Variants in PDHX observed in about 807,000 individuals in gnomAD.
PDHX encodes pyruvate dehydrogenase protein X component, mitochondrial.
A neutral mutation model predicts 55.3 loss-of-function variants in PDHX; 33 were observed. That is an observed-to-expected ratio of 0.60 (90% CI 0.45 to 0.80). PDHX has a LOEUF of 0.80. PDHX is among the 30% of genes least tolerant of loss of function. PDHX has a pLI of 0.00. For missense variants in PDHX, 622 were observed against 619.9 expected, an observed-to-expected ratio of 1.00 and a Z score of -0.04; for synonymous variants, 226 against 219.4, an observed-to-expected ratio of 1.03 and a Z score of -0.27.
chr11:34,952,169 A>G (rs1461689800), intron 3 of PDHX, among the ~76,000 whole-genome samples: 5 of 152,222 alleles, frequency 3.3e-5, no homozygotes, highest in Non-Finnish European at 7.3e-5. Context: ...ATAGACCAAT[A>G]ACAGTATCTG....
upstream of PDHX, chr11:34,916,511 G>A (rs1412000682): frequency 2.1e-6 from 3 of 1,456,106 alleles, no homozygotes; most frequent in East Asian, 7.5e-5. Context: ...GTTGGAGGCG[G>A]GGCTGGGTTG....
At chr11:34,916,456 A>T (rs772737420), upstream of PDHX, 6 of 1,463,028 alleles carry the variant, frequency 4.1e-6, 1 homozygote, top group East Asian at 1.5e-4. Flanking sequence ...GCCGGCTGAG[A>T]TATCCAGCGG....
chr11:34,919,580 T>C (rs61881133), intron 1 of PDHX, among the ~76,000 whole-genome samples: 5,350 of 152,300 alleles, frequency 0.035, 156 homozygotes, highest in South Asian at 0.057. Flanking sequence ...CTGCATTTAG[T>C]TGGACAAAAA....
chr11:34,970,443 GA>G (rs1023459859), intron 7 of PDHX, among the ~76,000 whole-genome samples, 157 bp downstream of exon 7: 33 of 152,000 alleles, frequency 2.2e-4, no homozygotes, highest in African/African-American at 7.5e-4. Context: ...TGTGCTAGAG[GA>G]AAAAAATTAG....
intron 3 of PDHX, among the ~76,000 whole-genome samples, chr11:34,948,033 C>A (rs933538400): frequency 7.9e-5 from 12 of 152,154 alleles, no homozygotes; most frequent in African/African-American, 2.7e-4. Flanking sequence ...CTGACTGATT[C>A]ATGTTATATC....
At chr11:34,949,576 A>T (rs1032716048) in intron 3 of PDHX, among the ~76,000 whole-genome samples, 4 of 151,822 alleles carry the variant, frequency 2.6e-5, no homozygotes, top group Non-Finnish European at 5.9e-5. Context: ...TTCAGTTATT[A>T]TACATTTAAA....
chr11:34,951,125 C>T (rs1260144841), intron 3 of PDHX, among the ~76,000 whole-genome samples: 13 of 141,312 alleles, frequency 9.2e-5, no homozygotes, highest in African/African-American at 1.6e-4. Flanking sequence ...GGCGCAATCT[C>T]GGCTCACTGC....
chr11:34,981,979 T>C (rs1855524313), intron 8 of PDHX, among the ~76,000 whole-genome samples: 1 of 152,222 alleles, frequency 6.6e-6, no homozygotes, highest in South Asian at 2.1e-4. Flanking sequence ...GTAGTTTCTT[T>C]TGCTGTGCAG....
At chr11:34,955,660 G>A (rs1375843166) in intron 3 of PDHX, among the ~76,000 whole-genome samples, 3 of 152,094 alleles carry the variant, frequency 2.0e-5, no homozygotes, top group African/African-American at 4.8e-5. Flanking sequence ...TTGCCTACTT[G>A]TGAAGGTGTC....
chr11:34,916,684 A>T lies in PDHX; in HGVS notation c.29A>T (p.Asp10Val). Residue 10 changes from aspartate to valine, a missense_variant, in exon 1 of 11, where the codon GAT becomes GTT. Coordinates refer to ENST00000227868, the MANE Select transcript of PDHX (RefSeq NM_003477.3). ...GCGGCCTCCTGGAGGCTGGGCTGTG[A>T]TCCGCGGCTGCTGCGTTATCTTGTG... The part of the protein sequence containing the change: MAASWRLGC[D>V]PRLLRYLVGF... The T allele has an allele frequency of 3.1e-6, 5 of 1,611,794 alleles. No individual in the cohort carries two copies. The South Asian group carries it at 4.4e-5, about 14-fold the overall frequency.
intron 5 of PDHX, among the ~76,000 whole-genome samples, chr11:34,962,301 A>C (rs868457114): frequency 1.3e-5 from 2 of 152,224 alleles, no homozygotes; most frequent in Non-Finnish European, 2.9e-5. Flanking sequence ...ACTAAAAGGG[A>C]GATCCCTGAT....
chr11:34,940,796 A>G (rs1300932980), intron 2 of PDHX, among the ~76,000 whole-genome samples: 1 of 152,166 alleles, frequency 6.6e-6, no homozygotes, highest in East Asian at 1.9e-4. Context: ...GTTTCATATA[A>G]ATAGAAGCAT....
rs1024363505 is a variant in PDHX, at chr11:34,957,522, C to A, written c.481C>A (p.Pro161Thr). 2 of 1,614,028 alleles carry A rather than the reference C, an allele frequency of 1.2e-6. No individual in the cohort carries two copies. Among genetic ancestry groups the A allele is most frequent in the African/African-American group, 2.7e-5 (2 of 74,986 alleles). ...AGTTTCAAAACCTTCAGAGCCTCGC[C>A]CCTCACCAGAACCACAGATTTCCAT... ...PPVSKPSEPR[P>T]SPEPQISIPV... The change falls in exon 4 of 11, where the codon CCC becomes ACC. Residue 161 changes from proline to threonine, a missense_variant. By Grantham distance (38) the Pro-to-Thr change is conservative (BLOSUM62 -1). Transcript: ENST00000227868.
intron 9 of PDHX, among the ~76,000 whole-genome samples, chr11:34,990,407 A>T (rs563612424): frequency 2.0e-5 from 3 of 152,332 alleles, no homozygotes; most frequent in Middle Eastern, 3.4e-3. Context: ...TACCTATTTC[A>T]GACTTACTAG....
chr11:34,916,577 T>C, upstream of PDHX: 1 of 1,573,502 alleles, frequency 6.4e-7, no homozygotes, highest in African/African-American at 1.3e-5. Context: ...TCTGGGGGCG[T>C]GGCCAACCAT....
intron 2 of PDHX, among the ~76,000 whole-genome samples, chr11:34,941,400 T>C (rs1344448427): frequency 2.0e-5 from 3 of 152,218 alleles, no homozygotes; most frequent in African/African-American, 7.2e-5. Context: ...ATTTTATTAC[T>C]ATTTTTATCA....
At chr11:34,981,554 T>G (rs1855514259) in intron 8 of PDHX, among the ~76,000 whole-genome samples, 1 of 152,198 alleles carries the variant, frequency 6.6e-6, no homozygotes, top group Non-Finnish European at 1.5e-5. Context: ...TTTCTAGTTC[T>G]AGATCCCTGA....
intron 7 of PDHX, among the ~76,000 whole-genome samples, chr11:34,974,598 C>G (rs1295790867): frequency 6.6e-6 from 1 of 152,096 alleles, no homozygotes; most frequent in African/African-American, 2.4e-5. Flanking sequence ...TACTGTTTTC[C>G]TTAGTGGCTG....
chr11:34,919,523 A>G (rs1853823249), intron 1 of PDHX, among the ~76,000 whole-genome samples: 1 of 152,182 alleles, frequency 6.6e-6, no homozygotes, highest in African/African-American at 2.4e-5. Flanking sequence ...AGCACTTTCT[A>G]GAATTTCTCA....
Sources: gnomAD v4.1 joint callset for allele counts (sites outside exome capture counted in the v4.1 genomes callset) on GRCh38, gnomAD v4.1.1 for gene constraint, MANE v1.5 for transcripts, NCBI Gene and HGNC (gene_info 2026-07-23, HGNC 2026-07-21) for gene names.